CDH17: variants seen among roughly 807,000 people sequenced by gnomAD.
CDH17 encodes the protein cadherin-17.
In CDH17, 67 loss-of-function variants were observed where a neutral mutation model predicts 86.3. The ratio of observed to expected loss-of-function variants is 0.78; its 90% CI spans 0.64 to 0.95. The LOEUF is 0.95. CDH17 is among the 40% of genes least tolerant of loss of function. The pLI is 0.00. For synonymous variants in CDH17, 367 were observed against 366.4 expected (o/e 1.00, Z -0.02); for missense variants, 993 against 1,017.6 (o/e 0.98, Z 0.33).
intron 1 of CDH17, among the ~76,000 whole-genome samples, chr8:94,200,977 A>G (rs1180692498): frequency 6.6e-6 from 1 of 152,204 alleles, no homozygotes; most frequent in Non-Finnish European, 1.5e-5. Flanking sequence ...AGAAATTAAG[A>G]GACTTGCCCA....
intron 3 of CDH17, among the ~76,000 whole-genome samples, chr8:94,182,590 A>C (rs949827387): frequency 1.4e-4 from 22 of 152,114 alleles, no homozygotes; most frequent in African/African-American, 5.1e-4. Context: ...AACACTCAAC[A>C]CACCAGGAAT....
rs1812411181 is a variant in CDH17 at position 94,131,299 on chromosome 8, T to C, written c.2168-307A>G. On this transcript the variant is annotated intron_variant, in intron 15 of 17. Coordinates refer to ENST00000027335, the MANE Select transcript of CDH17 (RefSeq NM_004063.4). ...CACTGAATTAATGAATGCTGAACCA[T>C]TGCTCCTAGAGGAAAGACAGGGTTA... is the stretch of plus-strand genomic sequence containing the variant. Among the ~76,000 whole-genome samples the C allele has an allele frequency of 2.0e-5, 3 of 152,332 alleles. No homozygotes were observed. The South Asian group carries it at 6.2e-4, about 32-fold the overall frequency.
At chr8:94,180,051 T>C (rs1489152919) in intron 3 of CDH17, among the ~76,000 whole-genome samples, 2 of 152,058 alleles carry the variant, frequency 1.3e-5, no homozygotes, top group Non-Finnish European at 2.9e-5. Context: ...CTCTAAAGAA[T>C]TAAAGTTTGA....
chr8:94,131,321 G>T (rs1178524675), intron 15 of CDH17, among the ~76,000 whole-genome samples: 1 of 152,186 alleles, frequency 6.6e-6, no homozygotes, highest in Admixed American at 6.5e-5. Flanking sequence ...GAAAGACAGG[G>T]TTAGGTTTCT....
chr8:94,151,801 C>G, intron 13 of CDH17, 67 bp downstream of exon 13: 1 of 1,596,246 alleles, frequency 6.3e-7, no homozygotes, highest in Non-Finnish European at 8.6e-7. Flanking sequence ...TGCAGGCCAG[C>G]TCCTCCTCCT....
At chr8:94,178,290 A>C (rs1204328255) in intron 3 of CDH17, among the ~76,000 whole-genome samples, 1 of 152,148 alleles carries the variant, frequency 6.6e-6, no homozygotes, top group Non-Finnish European at 1.5e-5. Flanking sequence ...AAGAAAACAT[A>C]AAAGCTGTTC....
rs191575905 is a variant in CDH17 at position 94,173,812 on chromosome 8, G to A, written c.768C>T (p.Pro256=). The A allele has an allele frequency of 2.2e-5, 36 of 1,613,580 alleles. No individual in the cohort carries two copies. The highest frequency in any genetic ancestry group is 3.3e-4 in the Middle Eastern group (2 of 6,040). ...EMVENSTDPH[P]IKITQVRWND... ...TGGGTACTACCTGAGTGATTTTGAT[G>A]GGGTGAGGATCAGTTGAGTTTTCCA... Residue 256 remains proline, a synonymous_variant, in exon 7 of 18, where the codon CCC becomes CCT. Coordinates refer to ENST00000027335, the MANE Select transcript of CDH17 (RefSeq NM_004063.4).
intron 2 of CDH17, 58 bp downstream of exon 2, chr8:94,194,577 G>T: frequency 8.5e-7 from 1 of 1,177,150 alleles, no homozygotes; most frequent in Non-Finnish European, 1.3e-6. Flanking sequence ...GTGTGGGGTA[G>T]AAAGATAGCA....
At chr8:94,148,720 T>A in intron 14 of CDH17, 24 bp downstream of exon 14, 1 of 1,213,156 alleles carries the variant, frequency 8.2e-7, no homozygotes, top group South Asian at 1.7e-5. Flanking sequence ...CCTTTTTTTT[T>A]GTTTTTTTTT....
At chr8:94,147,768 T>C (rs1234699545) in intron 14 of CDH17, among the ~76,000 whole-genome samples, 1 of 152,212 alleles carries the variant, frequency 6.6e-6, no homozygotes, top group Admixed American at 6.5e-5. Flanking sequence ...CAGCAGGCAA[T>C]ATATATCAGC....
chr8:94,186,965 C>T (rs1357594923), intron 3 of CDH17, among the ~76,000 whole-genome samples: 1 of 152,184 alleles, frequency 6.6e-6, no homozygotes, highest in Non-Finnish European at 1.5e-5. Context: ...TTGACAAGTG[C>T]ACACCCCCAT....
chr8:94,198,905 G>A (rs568512171), intron 1 of CDH17, among the ~76,000 whole-genome samples: 9 of 151,924 alleles, frequency 5.9e-5, no homozygotes, highest in East Asian at 3.9e-4. Flanking sequence ...CCCAGATACC[G>A]TGCCAAGAAC....
intron 3 of CDH17, among the ~76,000 whole-genome samples, chr8:94,181,963 C>T (rs1217486695): frequency 6.6e-6 from 1 of 151,948 alleles, no homozygotes; most frequent in East Asian, 1.9e-4. Context: ...TACTACCAAC[C>T]TTATAGAAAC....
At chr8:94,166,100 C>A in intron 9 of CDH17, 124 bp from the exon 10 acceptor site, 1 of 647,270 alleles carries the variant, frequency 1.5e-6, no homozygotes, top group South Asian at 1.9e-5. Flanking sequence ...CAGACAAATG[C>A]TCTTAGAGTT....
rs978041951 is a variant in CDH17 at position 94,173,793 on chromosome 8, C to T, written c.783+4G>A. 8 of 1,612,654 alleles carry T rather than the reference C, an allele frequency of 5.0e-6. No homozygotes were observed. The highest frequency in any genetic ancestry group is 6.8e-6 in the Non-Finnish European group (8 of 1,178,974). ...TCTCAGTGTTACTTGGGCTTGGGTA[C>T]TACCTGAGTGATTTTGATGGGGTGA... is the stretch of plus-strand genomic sequence containing the variant. On this transcript the variant is annotated splice_donor_region_variant and intron_variant, in intron 7 of 17. Coordinates refer to ENST00000027335, the MANE Select transcript of CDH17 (RefSeq NM_004063.4).
chr8:94,195,691 T>C (rs1813771777), intron 1 of CDH17, among the ~76,000 whole-genome samples: 1 of 152,100 alleles, frequency 6.6e-6, no homozygotes, highest in Non-Finnish European at 1.5e-5. Context: ...ATTTTCCACA[T>C]GGCCTGGAAA....
In CDH17 at chr8:94,127,668, T is replaced by G. The variant is rs889309559; in HGVS notation, c.*572A>C. On this transcript the variant is annotated 3_prime_UTR_variant, in exon 18 of 18. Coordinates refer to ENST00000027335, the MANE Select transcript of CDH17 (RefSeq NM_004063.4). ...AGTTCTATGAGACAACACTGATATA[T>G]CTCCTTGATAAAGAAAAAATGTACA... 1 of 152,172 alleles carries G rather than the reference T, an allele frequency of 6.6e-6. No homozygotes were observed. Among genetic ancestry groups the G allele is most frequent in the African/African-American group, 2.4e-5 (1 of 41,388 alleles). 9.4% of individuals were successfully genotyped at this position (152,172 alleles called of 1,614,324 possible).
At chr8:94,139,237 C>G (rs1812589842) in intron 15 of CDH17, among the ~76,000 whole-genome samples, 1 of 151,820 alleles carries the variant, frequency 6.6e-6, no homozygotes, top group South Asian at 2.1e-4. Flanking sequence ...TATAATATAG[C>G]CATTGAATAT....
chr8:94,138,288 A>G (rs1182764536), intron 15 of CDH17, among the ~76,000 whole-genome samples: 2 of 152,156 alleles, frequency 1.3e-5, no homozygotes, highest in African/African-American at 4.8e-5. Context: ...CATTCCACCA[A>G]AAACAACTAA....
Sources: allele counts gnomAD v4.1 joint callset (sites outside exome capture counted in the v4.1 genomes callset), GRCh38; gene constraint gnomAD v4.1.1; transcripts MANE v1.5; gene names NCBI Gene and HGNC (gene_info 2026-07-23, HGNC 2026-07-21).